Variants in FAAH observed in about 807,000 individuals in gnomAD.
FAAH encodes the protein fatty-acid amide hydrolase 1.
A neutral mutation model predicts 69.7 loss-of-function variants in FAAH; 63 were observed. The ratio of observed to expected loss-of-function variants is 0.90; its 90% CI spans 0.74 to 1.12. FAAH has a LOEUF of 1.12. FAAH is among the 50% of genes most tolerant of loss of function. FAAH has a pLI of 0.00. For missense variants in FAAH, 680 were observed against 755.0 expected (o/e 0.90, Z 1.16); for synonymous variants, 305 against 324.2 (o/e 0.94, Z 0.64).
chr1:46,405,960 T>A lies in FAAH; in HGVS notation c.786-78T>A, dbSNP rs899960053. 4.3e-6 allele frequency: 7 copies of A among 1,613,426 alleles called. No homozygotes were observed. The highest frequency in any genetic ancestry group is 3.3e-5 in the Admixed American group (2 of 60,028). On this transcript the variant is annotated intron_variant, in intron 5 of 14. Transcript: ENST00000243167. This position sits in a 1 kb window ranked among gnomAD's most constrained non-coding sequence, Gnocchi z 4.1. ...GTCCTAGTTTCCAAAGCGGTGAGTG[T>A]TCAGAGCTGCTCTGTGGGTGTGGGG...
intron 9 of FAAH, 107 bp downstream of exon 9, chr1:46,409,305 A>G: frequency 2.3e-6 from 2 of 880,836 alleles, no homozygotes; most frequent in Non-Finnish European, 3.8e-6. Context: ...TGAATCCAAC[A>G]AAGGCCTGAG....
chr1:46,399,738 A>G (rs901689193), intron 1 of FAAH, among the ~76,000 whole-genome samples: 1 of 152,166 alleles, frequency 6.6e-6, no homozygotes, highest in Non-Finnish European at 1.5e-5. Context: ...GCAAAATTTG[A>G]TTTTCATTGT....
chr1:46,403,550 C>G (rs1316641043), intron 2 of FAAH, among the ~76,000 whole-genome samples: 1 of 152,268 alleles, frequency 6.6e-6, no homozygotes, highest in East Asian at 1.9e-4. Flanking sequence ...TACTCCTCCT[C>G]TGTGTGTGGC....
intron 1 of FAAH, among the ~76,000 whole-genome samples, chr1:46,398,952 T>C (rs1259991265): frequency 6.6e-6 from 1 of 151,956 alleles, no homozygotes; most frequent in East Asian, 1.9e-4. Context: ...GAAAAATGTG[T>C]TTCTGGTAAT....
At chr1:46,402,273 C>T (rs1032570999) in intron 2 of FAAH, 69 bp downstream of exon 2, 2 of 1,294,762 alleles carry the variant, frequency 1.5e-6, no homozygotes, top group African/African-American at 2.9e-5. Flanking sequence ...CCTCCCTTTC[C>T]CCTCCCTCTG....
rs200178333 is a variant in FAAH at position 46,402,055 on chromosome 1, G to A, written c.196-36G>A. The A allele has an allele frequency of 2.6e-6, 4 of 1,546,836 alleles. No homozygotes were observed. The South Asian group carries it at 4.7e-5, about 18-fold the overall frequency. On this transcript the variant is annotated intron_variant, in intron 1 of 14. Coordinates refer to ENST00000243167, the MANE Select transcript of FAAH (RefSeq NM_001441.3). ...TCTGCTGCAGGCCCATGAGACTTCG[G>A]CGAGTAGGGGACTGATCCGAGTTTG... is the stretch of plus-strand genomic sequence containing the variant.
Position 46,405,388 on chromosome 1 carries a change from T to C in FAAH, c.461T>C (p.Leu154Pro). ...TCCTCCCAGGGCCAGGACTCCACGC[T>C]GGGCTTGAGCCTGAATGAAGGGGTG... ...CFTYKGQDST[L>P]GLSLNEGVPA... is the part of the protein sequence containing the mutation. The change falls in exon 4 of 15, where the codon CTG (leucine) becomes CCG (proline). Residue 154 changes from leucine to proline, a missense_variant. Coordinates refer to ENST00000243167, the MANE Select transcript of FAAH (RefSeq NM_001441.3). This position sits in a 1 kb window ranked among gnomAD's most constrained non-coding sequence, Gnocchi z 4.1. The C allele has an allele frequency of 6.2e-7, 1 of 1,611,876 alleles. No individual in the cohort carries two copies. The highest frequency in any genetic ancestry group is 2.2e-5 in the East Asian group (1 of 44,884).
Position 46,410,638 on chromosome 1 carries a change from C to A in FAAH, c.1275+141C>A. ...CTCTTCTCTCCAGTCCCCACCCAGACTGCTCTCCTCCTCTGTCCCCTGCGA... is the reference window on the plus strand; with the variant it reads ...CTCTTCTCTCCAGTCCCCACCCAGAATGCTCTCCTCCTCTGTCCCCTGCGA... On this transcript the variant is annotated intron_variant, in intron 10 of 14. Coordinates refer to ENST00000243167, the MANE Select transcript of FAAH (RefSeq NM_001441.3). This position sits in a 1 kb window ranked among gnomAD's most constrained non-coding sequence, Gnocchi z 4.9. The A allele has an allele frequency of 9.3e-7, 1 of 1,073,636 alleles. No individual in the cohort carries two copies. 66.5% of individuals were successfully genotyped at this position (1,073,636 alleles called of 1,614,324 possible).
In FAAH at chr1:46,405,002, C is replaced by T; in HGVS notation, c.310-12C>T. On this transcript the variant is annotated splice_polypyrimidine_tract_variant and intron_variant, in intron 2 of 14. Coordinates refer to ENST00000243167, the MANE Select transcript of FAAH (RefSeq NM_001441.3). This position sits in a 1 kb window ranked among gnomAD's most constrained non-coding sequence, Gnocchi z 4.1. ...GCCTCCTTTTATCTTATGTCTACTT[C>T]CCCTTCCTCAGGCCTGGGAAGTGAA... 6.2e-7 allele frequency: 1 copy of T among 1,614,026 alleles called. No homozygotes were observed. The highest frequency in any genetic ancestry group is 1.6e-4 in the Middle Eastern group (1 of 6,062).
Position 46,411,850 on chromosome 1 carries a change from G to A in FAAH, c.1356+199G>A, listed in dbSNP as rs1024993292. On this transcript the variant is annotated intron_variant, in intron 12 of 14. Transcript: ENST00000243167. The surrounding 1 kb of genome is among the most constrained non-coding windows in gnomAD (Gnocchi z 4.8). ...GCCTAGATGCCCATCCTTTGAGGCT[G>A]GGTCAGCCCCAGGCTCCTGTCCTGG... 2.0e-5 allele frequency among the ~76,000 whole-genome samples: 3 copies of A among 152,240 alleles called. No homozygotes were observed.
At chr1:46,394,763 TTCCC>T (rs1159957321) in intron 1 of FAAH, among the ~76,000 whole-genome samples, 1 of 152,186 alleles carries the variant, frequency 6.6e-6, no homozygotes, top group Non-Finnish European at 1.5e-5. Context: ...TGGAAGGCCT[TTCCC>T]TCACTGGGTC....
At chr1:46,406,465 C>T (rs1216685838) in intron 7 of FAAH, 97 bp downstream of exon 7, 15 of 1,560,130 alleles carry the variant, frequency 9.6e-6, no homozygotes, top group Non-Finnish European at 1.3e-5. Flanking sequence ...CTCCTGAGAA[C>T]CGTCCCCCAG....
chr1:46,404,472 T>G lies in FAAH; in HGVS notation c.310-542T>G, dbSNP rs535682397. Among the ~76,000 whole-genome samples the G allele has an allele frequency of 6.6e-6, 1 of 152,340 alleles. No individual in the cohort carries two copies. Among genetic ancestry groups the G allele is most frequent in the Non-Finnish European group, 1.5e-5 (1 of 68,022 alleles). ...CAAGCTCCTACTCCACATGGCTTGA[T>G]TATCAAATTCAAGATTTCCTGGGTA... is the stretch of plus-strand genomic sequence containing the variant. On this transcript the variant is annotated intron_variant, in intron 2 of 14. Coordinates refer to ENST00000243167, the MANE Select transcript of FAAH (RefSeq NM_001441.3). The surrounding 1 kb of genome is among the most constrained non-coding windows in gnomAD (Gnocchi z 4.5).
Position 46,410,811 on chromosome 1 carries a change from C to T in FAAH, c.1276-3C>T. 1 of 1,614,202 alleles carries T rather than the reference C, an allele frequency of 6.2e-7. No homozygotes were observed. The highest frequency in any genetic ancestry group is 8.5e-7 in the Non-Finnish European group (1 of 1,180,022). ...TCACCGACCCTGCGTCTGTCCTGTG[C>T]AGCTGCCAAGGCTGTCAGCTTTCCT... On this transcript the variant is annotated splice_region_variant and splice_polypyrimidine_tract_variant and intron_variant, in intron 10 of 14. Coordinates refer to ENST00000243167, the MANE Select transcript of FAAH (RefSeq NM_001441.3). The surrounding 1 kb of genome is among the most constrained non-coding windows in gnomAD (Gnocchi z 4.9).
intron 1 of FAAH, among the ~76,000 whole-genome samples, chr1:46,394,834 G>A (rs1210826695): frequency 6.6e-6 from 1 of 152,260 alleles, no homozygotes; most frequent in African/African-American, 2.4e-5. Context: ...ATTGGAATGC[G>A]AAAACGCAAG....
chr1:46,404,868 C>A lies in FAAH; in HGVS notation c.310-146C>A. 1 of 1,063,802 alleles carries A rather than the reference C, an allele frequency of 9.4e-7. No homozygotes were observed. The allele number at this position is 1,063,802 out of a possible 1,614,324, so 65.9% of individuals were successfully genotyped here. A position where few individuals can be genotyped will look rare whatever the true frequency, so the allele number is the denominator to read the frequency against. ...CAGATGCTGAGCCCTAGGTCATCCT[C>A]TGTGCCCCAGGCTCTGGGCCATGTT... On this transcript the variant is annotated intron_variant, in intron 2 of 14. Transcript: ENST00000243167. The surrounding 1 kb of genome is among the most constrained non-coding windows in gnomAD (Gnocchi z 4.5).
Position 46,394,501 on chromosome 1 carries a change from C to A in FAAH, c.153C>A (p.Gly51=). 7.2e-7 allele frequency: 1 copy of A among 1,395,650 alleles called. No homozygotes were observed. The highest frequency in any genetic ancestry group is 3.3e-5 in the Admixed American group (1 of 30,436). 86.5% of individuals were successfully genotyped at this position (1,395,650 alleles called of 1,614,324 possible). ...VVRARQRQRA[G]LENMDRAAQR... Reference sequence around the variant, plus strand: ...GGGCGCGACAGAGGCAGCGAGCGGGCCTGGAGAACATGGACAGGGCGGCGC... The same window carrying A: ...GGGCGCGACAGAGGCAGCGAGCGGGACTGGAGAACATGGACAGGGCGGCGC... Residue 51 remains glycine, a synonymous_variant, in exon 1 of 15, where the codon GGC becomes GGA. Coordinates refer to ENST00000243167, the MANE Select transcript of FAAH (RefSeq NM_001441.3).
chr1:46,402,103 G>A lies in FAAH; in HGVS notation c.208G>A (p.Asp70Asn), dbSNP rs1346933423. The A allele has an allele frequency of 6.2e-7, 1 of 1,607,884 alleles. No homozygotes were observed. The highest frequency in any genetic ancestry group is 8.5e-7 in the Non-Finnish European group (1 of 1,177,066). ...QRFRLQNPDL[D>N]SEALLALPLP... ...TTGTTCCCCACAGAACCCAGACCTGGACTCAGAGGCGCTGCTAGCCCTGCC... is the reference window on the plus strand; with the variant it reads ...TTGTTCCCCACAGAACCCAGACCTGAACTCAGAGGCGCTGCTAGCCCTGCC... The change falls in exon 2 of 15, where the codon GAC (aspartate) becomes AAC (asparagine). Residue 70 changes from aspartate (D) to asparagine (N), a missense_variant. Physicochemically the swap from Asp to Asn is conservative, Grantham distance 23. Transcript: ENST00000243167.
At position 46,404,863 on chromosome 1, in the gene FAAH, A is replaced by G; in HGVS notation, c.310-151A>G. 1 of 1,023,022 alleles carries G rather than the reference A, an allele frequency of 9.8e-7. No individual in the cohort carries two copies. Among genetic ancestry groups the G allele is most frequent in the Admixed American group, 2.0e-5 (1 of 49,828 alleles). 63.4% of individuals were successfully genotyped at this position (1,023,022 alleles called of 1,614,324 possible). A position where few individuals can be genotyped will look rare whatever the true frequency, so the allele number is the denominator to read the frequency against. On this transcript the variant is annotated intron_variant, in intron 2 of 14. Transcript: ENST00000243167. This position sits in a 1 kb window ranked among gnomAD's most constrained non-coding sequence, Gnocchi z 4.5. ...TGAGGCAGATGCTGAGCCCTAGGTC[A>G]TCCTCTGTGCCCCAGGCTCTGGGCC...
Sources: gnomAD v4.1 joint callset for allele counts (sites outside exome capture counted in the v4.1 genomes callset) on GRCh38, gnomAD v4.1.1 for gene constraint, Gnocchi (gnomAD v3.1) non-coding constraint, MANE v1.5 for transcripts, NCBI Gene and HGNC (gene_info 2026-07-23, HGNC 2026-07-21) for gene names.